The following KIF26B variants were observed in gnomAD, a reference collection of about 807,000 sequenced individuals.
KIF26B encodes kinesin-like protein KIF26B.
A neutral mutation model predicts 151.2 loss-of-function variants in KIF26B; 63 were observed. The ratio of observed to expected loss-of-function variants is 0.42; its 90% CI spans 0.34 to 0.51. The LOEUF is 0.51. KIF26B is among the 20% of genes least tolerant of loss of function. The pLI, the probability that KIF26B is intolerant of heterozygous loss-of-function variation, is 0.07. For synonymous variants in KIF26B, 1,357 were observed against 1,262.1 expected (o/e 1.08, Z -1.59); for missense variants, 2,813 against 2,913.6 (o/e 0.97, Z 0.79).
chr1:245,647,250 C>G (rs912275211), intron 10 of KIF26B, among the ~76,000 whole-genome samples: 1 of 151,480 alleles, frequency 6.6e-6, no homozygotes, highest in African/African-American at 2.4e-5. Context: ...ACGGTGAAAC[C>G]CCATCTCTAC....
chr1:245,181,204 C>G (rs1668900533), intron 2 of KIF26B, among the ~76,000 whole-genome samples: 1 of 152,120 alleles, frequency 6.6e-6, no homozygotes, highest in Non-Finnish European at 1.5e-5. Flanking sequence ...CGATTTCCCC[C>G]CCTTCTTTCT....
chr1:245,394,694 T>C (rs1281829804), intron 3 of KIF26B, among the ~76,000 whole-genome samples: 2 of 146,328 alleles, frequency 1.4e-5, no homozygotes, highest in Non-Finnish European at 3.0e-5. Flanking sequence ...CTTTCTTTTT[T>C]TTTTTTTTTT....
chr1:245,443,804 ACCC>A (rs1659180255), intron 4 of KIF26B, among the ~76,000 whole-genome samples: 1 of 73,310 alleles, frequency 1.4e-5, no homozygotes, highest in Non-Finnish European at 2.8e-5. Flanking sequence ...CTCACTGTTC[ACCC>A]TGCGGTCATC....
At position 245,474,988 on chromosome 1, in the gene KIF26B, C is replaced by CA. The variant is rs879581402; in HGVS notation, c.1166+55252dup. 1.5e-3 allele frequency among the ~76,000 whole-genome samples: 219 copies of CA among 150,862 alleles called. 3 individuals are homozygous for CA. The highest frequency in any genetic ancestry group is 2.4e-3 in the Non-Finnish European group (161 of 67,484). On this transcript the variant is annotated intron_variant, in intron 4 of 14. Transcript: ENST00000407071. ...ATTGGAATATATTTTGTAAAACAAA[C>CA]AAAAAAAAATTGGGGGTATGAAAGG...
intron 3 of KIF26B, among the ~76,000 whole-genome samples, chr1:245,405,516 A>G (rs1409689260): frequency 6.6e-6 from 1 of 152,126 alleles, no homozygotes; most frequent in East Asian, 1.9e-4. Flanking sequence ...ACAGCTGGTC[A>G]TTTGGGTAGA....
rs560102093 is a variant in KIF26B at position 245,369,314 on chromosome 1, G to C, written c.999+1947G>C. On this transcript the variant is annotated intron_variant, in intron 3 of 14. Coordinates refer to ENST00000407071, the MANE Select transcript of KIF26B (RefSeq NM_018012.4). ...AAGGAACAAGTCGAGTGAACACATAGCATAGTTTTGTTACGCCGGACAAGA... is the reference window on the plus strand; with the variant it reads ...AAGGAACAAGTCGAGTGAACACATACCATAGTTTTGTTACGCCGGACAAGA... Among the ~76,000 whole-genome samples, 3 of 152,208 alleles carry C rather than the reference G, an allele frequency of 2.0e-5. No individual in the cohort carries two copies. The South Asian group carries it at 6.2e-4, about 32-fold the overall frequency.
At chr1:245,517,502 T>C (rs1660994773) in intron 4 of KIF26B, among the ~76,000 whole-genome samples, 1 of 152,204 alleles carries the variant, frequency 6.6e-6, no homozygotes, top group Non-Finnish European at 1.5e-5. Context: ...AACAGTTTAA[T>C]ATGAAAATAG....
At chr1:245,522,159 G>A (rs577093617) in intron 4 of KIF26B, among the ~76,000 whole-genome samples, 71 of 152,146 alleles carry the variant, frequency 4.7e-4, no homozygotes, top group East Asian at 1.2e-3. Flanking sequence ...GTGAGCCACC[G>A]CGCCCGGCCT....
chr1:245,330,204 T>A (rs1349981079), intron 2 of KIF26B, among the ~76,000 whole-genome samples: 1 of 150,894 alleles, frequency 6.6e-6, no homozygotes, highest in African/African-American at 2.4e-5. Context: ...CCACCTGGGC[T>A]GGCCTGAGGA....
At chr1:245,700,555 G>A (rs777710571) in intron 14 of KIF26B, among the ~76,000 whole-genome samples, 21 of 152,082 alleles carry the variant, frequency 1.4e-4, no homozygotes, top group African/African-American at 4.8e-4. Flanking sequence ...AAAATTAGCC[G>A]GGCGTGGTGG....
chr1:245,586,487 A>C lies in KIF26B; in HGVS notation c.1351-16090A>C, dbSNP rs375840110. Among the ~76,000 whole-genome samples the C allele has an allele frequency of 1.1e-3, 166 of 152,300 alleles. 2 individuals are homozygous for C. The South Asian group carries it at 0.032, about 29-fold the overall frequency. The stretch of plus-strand genomic sequence containing the variant: ...CAGTGGCCCTCTGTTGTCTGGGTTA[A>C]GTACAGACTTTTTAGTTTGAGGAAA... On this transcript the variant is annotated intron_variant, in intron 5 of 14. Transcript: ENST00000407071.
At chr1:245,430,884 G>A (rs1658761657) in intron 4 of KIF26B, among the ~76,000 whole-genome samples, 1 of 152,160 alleles carries the variant, frequency 6.6e-6, no homozygotes, top group Non-Finnish European at 1.5e-5. Flanking sequence ...ATCCGAGCCA[G>A]GTGTCTGATT....
intron 2 of KIF26B, among the ~76,000 whole-genome samples, chr1:245,210,774 A>G (rs759527437): frequency 3.3e-5 from 5 of 152,074 alleles, no homozygotes; most frequent in Admixed American, 6.5e-5. Context: ...GCAGGGACCA[A>G]GGACATTCCC....
intron 12 of KIF26B, among the ~76,000 whole-genome samples, chr1:245,696,048 C>T (rs61831283): frequency 0.033 from 5,063 of 152,368 alleles, 111 homozygotes; most frequent in South Asian, 0.08. Flanking sequence ...GATCATATCC[C>T]ATCCGCGGTA....
At chr1:245,608,918 A>AT (rs1384529198) in intron 7 of KIF26B, among the ~76,000 whole-genome samples, 2 of 152,086 alleles carry the variant, frequency 1.3e-5, no homozygotes, top group African/African-American at 2.4e-5. Flanking sequence ...CACCCAGATA[A>AT]TTTTTAAAAA....
chr1:245,282,928 CA>C, intron 2 of KIF26B: 1 of 328,540 alleles, frequency 3.0e-6, no homozygotes, highest in Non-Finnish European at 6.2e-6. Flanking sequence ...ATTTTGGGTT[CA>C]AACCCACCTC....
chr1:245,267,634 G>GCGCA (rs1670770301), intron 2 of KIF26B, among the ~76,000 whole-genome samples: 1 of 136,234 alleles, frequency 7.3e-6, no homozygotes. Flanking sequence ...GCTAAGTAAT[G>GCGCA]CACACACACA....
intron 4 of KIF26B, among the ~76,000 whole-genome samples, chr1:245,499,141 G>T (rs1428861094): frequency 1.3e-5 from 2 of 151,824 alleles, no homozygotes; most frequent in African/African-American, 4.8e-5. Context: ...TGTTACCTTC[G>T]CCCAAAGAGA....
chr1:245,527,011 A>G (rs571849249), intron 4 of KIF26B, among the ~76,000 whole-genome samples: 8 of 152,358 alleles, frequency 5.3e-5, no homozygotes, highest in African/African-American at 1.9e-4. Flanking sequence ...GGAAAACTCT[A>G]AAGGAATGAG....
Sources: gnomAD v4.1 joint callset for allele counts (sites outside exome capture counted in the v4.1 genomes callset) on GRCh38, gnomAD v4.1.1 for gene constraint, MANE v1.5 for transcripts, NCBI Gene and HGNC (gene_info 2026-07-23, HGNC 2026-07-21) for gene names.